The following TTC34 variants were observed in gnomAD, a reference collection of about 807,000 sequenced individuals.
TTC34 encodes tetratricopeptide repeat protein 34.
In TTC34, 44 loss-of-function variants were observed where a neutral mutation model predicts 40.7. The ratio of observed to expected loss-of-function variants is 1.08; its 90% CI spans 0.85 to 1.39. TTC34 has a LOEUF of 1.39. Ranked by LOEUF, TTC34 falls within the 40% of genes most tolerant of loss-of-function variation. TTC34 has a pLI of 0.00. For missense variants in TTC34, 884 were observed against 838.0 expected (o/e 1.05, Z -0.68); for synonymous variants, 422 against 398.6 (o/e 1.06, Z -0.70).
In TTC34 at chr1:2,645,384, C is replaced by T; in HGVS notation, c.2406G>A (p.Gln802=). The change falls in exon 7 of 9, where the codon CAG becomes CAA. Residue 802 remains glutamine, a synonymous_variant. Transcript: ENST00000401095. This position sits in a 1 kb window ranked among gnomAD's most constrained non-coding sequence, Gnocchi z 4.7. ...GCGCCTCCCCCACAGCAAGGAGGCC[C>T]TGGGTGTCCTTGTCCTCGAGAGGGG... 1 of 1,535,578 alleles carries T rather than the reference C, an allele frequency of 6.5e-7. No individual in the cohort carries two copies. Among genetic ancestry groups the T allele is most frequent in the Non-Finnish European group, 8.7e-7 (1 of 1,146,600 alleles).
chr1:2,641,719 C>T (rs1334666879), exon 9 of TTC34: 1 of 1,535,388 alleles, frequency 6.5e-7, no homozygotes, highest in African/African-American at 1.4e-5. Context: ...CCTCCTGGAG[C>T]ACATGGTCCA....
At chr1:2,655,250 A>G (rs868191809) in intron 6 of TTC34, among the ~76,000 whole-genome samples, 19 of 45,758 alleles carry the variant, frequency 4.2e-4, no homozygotes, top group African/African-American at 1.2e-3. Context: ...AGCAGCACGC[A>G]CACCCCCAGT....
intron 6 of TTC34, among the ~76,000 whole-genome samples, chr1:2,695,153 ACCCCCAGGAGAGCATCTG>A (rs1640804371): frequency 1.5e-5 from 1 of 65,430 alleles, no homozygotes. Context: ...AGCACCCTGC[ACCCCCAGGAGAGCATCTG>A]ACAGCATGGA....
At chr1:2,778,777 TTAA>T (rs1643414580) in intron 6 of TTC34, among the ~76,000 whole-genome samples, 1 of 250 alleles carries the variant, frequency 4.0e-3, no homozygotes, top group African/African-American at 0.015. Context: ...ACCATCTTAA[TTAA>T]TTATCTTTAT....
At chr1:2,778,628 G>T (rs1157886703) in intron 6 of TTC34, among the ~76,000 whole-genome samples, 1 of 152,228 alleles carries the variant, frequency 6.6e-6, no homozygotes, top group Admixed American at 6.5e-5. Context: ...TCTGTGGGGG[G>T]AGACAGGCAG....
intron 6 of TTC34, among the ~76,000 whole-genome samples, chr1:2,700,028 T>C (rs1485991550): frequency 1.4e-4 from 14 of 101,124 alleles, no homozygotes; most frequent in South Asian, 3.1e-4. Flanking sequence ...GGTGAGCATC[T>C]GATAGCCTGG....
rs1341805714 is a variant in TTC34, at chr1:2,749,295, A to C, written c.2226+34314T>G. Among the ~76,000 whole-genome samples the C allele has an allele frequency of 6.2e-5, 5 of 80,040 alleles. 2 individuals carry two copies. Among genetic ancestry groups the C allele is most frequent in the African/African-American group, 2.0e-4 (2 of 10,054 alleles). The allele number at this position is 80,040 out of a possible 152,430, so 52.5% of individuals were successfully genotyped here. ...GCAGCACCCAAAACCACAGGTGAGC[A>C]TCGGAGAGTCTGGAACAGAACCCAC... On this transcript the variant is annotated intron_variant, in intron 6 of 8. Transcript: ENST00000401095.
intron 6 of TTC34, among the ~76,000 whole-genome samples, chr1:2,683,898 G>A (rs1219296568): frequency 6.7e-6 from 1 of 149,112 alleles, no homozygotes; most frequent in Admixed American, 6.7e-5. Context: ...CTGACAGCCT[G>A]GGTCGGCACC....
chr1:2,695,876 CCCG>C (rs1640841721), intron 6 of TTC34, among the ~76,000 whole-genome samples: 1 of 132,880 alleles, frequency 7.5e-6, no homozygotes, highest in African/African-American at 2.9e-5. Context: ...GAACCCACAC[CCCG>C]AGGCGAGCAT....
At position 2,676,793 on chromosome 1, in the gene TTC34, GTC is replaced by G. The variant is rs1253284506; in HGVS notation, c.2227-31232_2227-31231del. On this transcript the variant is annotated intron_variant, in intron 6 of 8. Transcript: ENST00000401095. ...AACAGGCGAGCATCTGACAGCCTGG[GTC>G]GGCACCCACACCACCAGGTGAGCAT... 1.7e-3 allele frequency among the ~76,000 whole-genome samples: 12 copies of G among 7,256 alleles called. 1 individual carries two copies. Among genetic ancestry groups the G allele is most frequent in the South Asian group, 6.6e-3 (1 of 152 alleles). The allele number at this position is 7,256 out of a possible 152,430, so 4.8% of individuals were successfully genotyped here. A position where few individuals can be genotyped will look rare whatever the true frequency, so the allele number is the denominator to read the frequency against.
At chr1:2,756,966 A>C (rs1641527098) in intron 6 of TTC34, among the ~76,000 whole-genome samples, 1 of 150,738 alleles carries the variant, frequency 6.6e-6, no homozygotes, top group African/African-American at 2.4e-5. Flanking sequence ...AGCATCTGAC[A>C]GACTGGAACA....
chr1:2,788,789 G>C (rs185095040), intron 3 of TTC34, among the ~76,000 whole-genome samples: 4 of 152,120 alleles, frequency 2.6e-5, no homozygotes, highest in East Asian at 3.9e-4. Context: ...CATTACCCAC[G>C]AGGGATTACA....
intron 6 of TTC34, among the ~76,000 whole-genome samples, chr1:2,754,762 T>G (rs1641447728): frequency 6.7e-6 from 1 of 150,322 alleles, no homozygotes; most frequent in Non-Finnish European, 1.5e-5. Context: ...TGTGATGGTC[T>G]GGAGCAGCAC....
chr1:2,760,290 G>T lies in TTC34; in HGVS notation c.2226+23319C>A, dbSNP rs1261513399. ...TGGAGCAGCAGCCACAACTCCAGGC[G>T]AGCATCTGACAGCCTGGAACAGCAC... is the stretch of plus-strand genomic sequence containing the variant. On this transcript the variant is annotated intron_variant, in intron 6 of 8. Transcript: ENST00000401095. Among the ~76,000 whole-genome samples, 2 of 57,578 alleles carry T rather than the reference G, an allele frequency of 3.5e-5. 1 individual carries two copies. The highest frequency in any genetic ancestry group is 5.8e-5 in the Non-Finnish European group (2 of 34,672). The allele number at this position is 57,578 out of a possible 152,430, so 37.8% of individuals were successfully genotyped here.
chr1:2,648,846 G>C (rs1467419798), intron 6 of TTC34, among the ~76,000 whole-genome samples: 1 of 149,142 alleles, frequency 6.7e-6, no homozygotes, highest in African/African-American at 2.5e-5. Context: ...CCAGCCCCAG[G>C]TGAACTTGCG....
At chr1:2,646,407 C>T (rs1639022632) in intron 6 of TTC34, among the ~76,000 whole-genome samples, 1 of 152,176 alleles carries the variant, frequency 6.6e-6, no homozygotes. Flanking sequence ...TATTTTGAGA[C>T]AGGGTCTCTG....
intron 6 of TTC34, among the ~76,000 whole-genome samples, chr1:2,751,856 G>C (rs1641331245): frequency 8.7e-6 from 1 of 115,120 alleles, no homozygotes; most frequent in African/African-American, 4.0e-5. Context: ...GCACCCCCAA[G>C]TGAGCATCCG....
intron 6 of TTC34, among the ~76,000 whole-genome samples, chr1:2,778,035 C>A (rs1386702929): frequency 2.0e-5 from 3 of 152,210 alleles, no homozygotes; most frequent in African/African-American, 7.2e-5. Context: ...GCTCCCAGCC[C>A]CAAATGCATG....
At chr1:2,748,859 T>A (rs1278723362) in intron 6 of TTC34, among the ~76,000 whole-genome samples, 1 of 124,842 alleles carries the variant, frequency 8.0e-6, no homozygotes, top group African/African-American at 3.5e-5. Flanking sequence ...GAGCATCTGA[T>A]GCTTTGGAGC....
Sources: gnomAD v4.1 joint callset for allele counts (sites outside exome capture counted in the v4.1 genomes callset) on GRCh38, gnomAD v4.1.1 for gene constraint, Gnocchi (gnomAD v3.1) non-coding constraint, MANE v1.5 for transcripts, NCBI Gene and HGNC (gene_info 2026-07-23, HGNC 2026-07-21) for gene names.